The following DAB1 variants were observed in gnomAD, a reference collection of about 807,000 sequenced individuals.
The protein encoded by DAB1 is disabled homolog 1.
A neutral mutation model predicts 64.6 loss-of-function variants in DAB1; 15 were observed. That is an observed-to-expected ratio of 0.23 (90% CI 0.16 to 0.36). The LOEUF (loss-of-function observed/expected upper bound fraction) is 0.36. DAB1 is among the 10% of genes least tolerant of loss of function. The probability of loss-of-function intolerance (pLI) is 1.00; values close to 1 mark genes in which losing one functional copy is unlikely to be tolerated. For synonymous variants in DAB1, 235 were observed against 251.9 expected (o/e 0.93, Z 0.64); for missense variants, 596 against 706.7 (o/e 0.84, Z 1.78).
intron 7 of DAB1, among the ~76,000 whole-genome samples, chr1:57,530,954 G>A (rs151033465): frequency 9.8e-4 from 149 of 152,278 alleles, no homozygotes; most frequent in Non-Finnish European, 1.9e-3. Context: ...TCTTTTGTTG[G>A]TGTTGGCCAA....
chr1:58,045,376 C>T (rs12738824), intron 5 of DAB1, among the ~76,000 whole-genome samples: 56,537 of 152,028 alleles, frequency 0.37, 11,492 homozygotes, highest in Non-Finnish European at 0.46. Context: ...TGCAGCTTCA[C>T]GCAGCTCTCT....
intron 1 of DAB1, chr1:57,878,417 T>A (rs548882564): frequency 6.6e-6 from 1 of 152,294 alleles, no homozygotes; most frequent in South Asian, 2.1e-4. Context: ...TGGAAGAGCA[T>A]TTTTCCTGGA....
chr1:57,094,431 G>A (rs950375580), intron 4 of DAB1, among the ~76,000 whole-genome samples: 4 of 152,096 alleles, frequency 2.6e-5, no homozygotes, highest in African/African-American at 7.2e-5. Flanking sequence ...TTTCCCTTAT[G>A]TACATGCAGA....
At chr1:57,744,122 T>C (rs113618559) in intron 6 of DAB1, among the ~76,000 whole-genome samples, 1 of 152,198 alleles carries the variant, frequency 6.6e-6, no homozygotes, top group South Asian at 2.1e-4. Flanking sequence ...TGGCCAGTTT[T>C]GGGGCCAGTT....
intron 3 of DAB1, among the ~76,000 whole-genome samples, chr1:58,434,993 T>C (rs1644925828): frequency 6.6e-6 from 1 of 152,186 alleles, no homozygotes; most frequent in Non-Finnish European, 1.5e-5. Flanking sequence ...AGCACTCCTA[T>C]GTTCTCAAAA....
chr1:57,014,484 T>C (rs1219177739), intron 12 of DAB1, among the ~76,000 whole-genome samples: 2 of 152,262 alleles, frequency 1.3e-5, no homozygotes, highest in Non-Finnish European at 2.9e-5. Flanking sequence ...AAGCTATCTA[T>C]ACGTAAATAA....
chr1:57,490,618 T>C (rs2691463), intron 7 of DAB1, among the ~76,000 whole-genome samples: 23,766 of 152,174 alleles, frequency 0.16, 4,572 homozygotes, highest in African/African-American at 0.46. Flanking sequence ...CTGGTTTCAG[T>C]TTACAAACTA....
Position 57,844,143 on chromosome 1 carries a change from G to A in DAB1, n.88-17688C>T, listed in dbSNP as rs184086689. Among the ~76,000 whole-genome samples, 817 of 152,280 alleles carry A rather than the reference G, an allele frequency of 5.4e-3. 6 individuals are homozygous for A. The highest frequency in any genetic ancestry group is 9.9e-3 in the Non-Finnish European group (675 of 68,018). On this transcript the variant is annotated intron_variant and non_coding_transcript_variant, in intron 1 of 1. Transcript: ENST00000477280. Reference sequence around the variant, plus strand: ...CCCTTAAGACCCAAAATCTTCTTTTGTAATTCCTGCAGGGAGGATTACTCA... The same window carrying A: ...CCCTTAAGACCCAAAATCTTCTTTTATAATTCCTGCAGGGAGGATTACTCA...
At chr1:57,582,731 A>G (rs1645328895) in intron 7 of DAB1, among the ~76,000 whole-genome samples, 1 of 152,250 alleles carries the variant, frequency 6.6e-6, no homozygotes, top group South Asian at 2.1e-4. Context: ...CCACTCCAAC[A>G]GCATCACAGT....
chr1:58,031,224 C>T (rs2100480015), intron 5 of DAB1, among the ~76,000 whole-genome samples: 1 of 152,196 alleles, frequency 6.6e-6, no homozygotes, highest in Admixed American at 6.5e-5. Flanking sequence ...AGCACGGAGA[C>T]AGAAGGGAAG....
chr1:58,108,016 G>T (rs187926268), intron 5 of DAB1, among the ~76,000 whole-genome samples: 1 of 152,286 alleles, frequency 6.6e-6, no homozygotes, highest in African/African-American at 2.4e-5. Flanking sequence ...AGGGGGACTG[G>T]ACAATGGACA....
At chr1:57,725,846 G>A (rs550257518) in intron 6 of DAB1, among the ~76,000 whole-genome samples, 4 of 152,028 alleles carry the variant, frequency 2.6e-5, no homozygotes, top group South Asian at 4.2e-4. Context: ...CTGTCTCCCG[G>A]GTTCAAGCAA....
intron 7 of DAB1, among the ~76,000 whole-genome samples, chr1:57,569,754 A>G (rs1356671491): frequency 6.6e-6 from 1 of 152,192 alleles, no homozygotes; most frequent in African/African-American, 2.4e-5. Flanking sequence ...ACTAATAAAA[A>G]AAAAGAAAAT....
At chr1:57,859,603 T>C (rs957373349) in intron 1 of DAB1, among the ~76,000 whole-genome samples, 7 of 152,204 alleles carry the variant, frequency 4.6e-5, no homozygotes, top group African/African-American at 1.4e-4. Context: ...CTTTGCACAA[T>C]GCTGTCTAAT....
At chr1:58,416,285 C>T (rs1187858728) in intron 3 of DAB1, among the ~76,000 whole-genome samples, 1 of 152,192 alleles carries the variant, frequency 6.6e-6, no homozygotes, top group East Asian at 1.9e-4. Context: ...CTGAACCTAT[C>T]CCTTCCCAGC....
At chr1:58,072,057 T>C (rs529907488) in intron 5 of DAB1, among the ~76,000 whole-genome samples, 1 of 100,658 alleles carries the variant, frequency 9.9e-6, no homozygotes, top group African/African-American at 4.1e-5. Flanking sequence ...TAAAGCAGGA[T>C]AGGGGATAGC....
chr1:57,547,760 T>C (rs187384761), intron 7 of DAB1, among the ~76,000 whole-genome samples: 5 of 152,346 alleles, frequency 3.3e-5, no homozygotes, highest in East Asian at 1.9e-4. Flanking sequence ...ACGTCTATAG[T>C]TTATTTTGAA....
intron 1 of DAB1, among the ~76,000 whole-genome samples, chr1:57,321,669 TC>T (rs1675728564): frequency 6.6e-6 from 1 of 152,170 alleles, no homozygotes; most frequent in South Asian, 2.1e-4. Context: ...AGGGTTCAAA[TC>T]CTAGCCCTGA....
intron 4 of DAB1, among the ~76,000 whole-genome samples, chr1:58,330,466 A>G (rs1179968675): frequency 1.3e-5 from 2 of 152,242 alleles, no homozygotes; most frequent in Non-Finnish European, 2.9e-5. Context: ...TTATGAAAGT[A>G]CTAAATAACA....
Sources: allele counts gnomAD v4.1 joint callset (sites outside exome capture counted in the v4.1 genomes callset), GRCh38; gene constraint gnomAD v4.1.1; transcripts MANE v1.5; gene names NCBI Gene and HGNC (gene_info 2026-07-23, HGNC 2026-07-21).